Variants in VANGL1 observed in about 807,000 individuals in gnomAD.
VANGL1 encodes the protein vang-like protein 1.
In VANGL1, 18 loss-of-function variants were observed where a neutral mutation model predicts 48.4. The observed-to-expected ratio is 0.37, with a 90% CI of 0.26 to 0.55. The LOEUF (loss-of-function observed/expected upper bound fraction) is 0.55. Ranked by LOEUF, VANGL1 falls within the 20% of genes least tolerant of loss-of-function variation. VANGL1 has a pLI of 0.81. For missense variants in VANGL1, 667 were observed against 675.8 expected, an observed-to-expected ratio of 0.99 and a Z score of 0.14; for synonymous variants, 257 against 261.8, an observed-to-expected ratio of 0.98 and a Z score of 0.18.
At position 115,651,392 on chromosome 1, in the gene VANGL1, C is replaced by G; in HGVS notation, c.-22C>G. ...GGAGAAACAGTACCTGCTCCTTCCT[C>G]AAGCGCAAGCCCTCCATTGCTATGG... On this transcript the variant is annotated 5_prime_UTR_variant, in exon 2 of 8. Transcript: ENST00000355485. 1 of 1,612,368 alleles carries G rather than the reference C, an allele frequency of 6.2e-7. No individual in the cohort carries two copies. The highest frequency in any genetic ancestry group is 8.5e-7 in the Non-Finnish European group (1 of 1,178,754).
chr1:115,677,929 G>A (rs1178828365), intron 4 of VANGL1, among the ~76,000 whole-genome samples: 6 of 152,224 alleles, frequency 3.9e-5, no homozygotes, highest in Non-Finnish European at 4.4e-5. Flanking sequence ...GGGGTTTGTA[G>A]AAGGATTTGC....
rs1324608217 is a variant in VANGL1 at position 115,691,413 on chromosome 1, AG to A, written c.*35del. The A allele has an allele frequency of 1.9e-6, 3 of 1,586,552 alleles. No homozygotes were observed. The highest frequency in any genetic ancestry group is 2.6e-6 in the Non-Finnish European group (3 of 1,166,518). ...TATTTGTGGCTTTATTAAAAAAAAA[AG>A]AAAAATATATAGAGAGATATATATC... On this transcript the variant is annotated 3_prime_UTR_variant, in exon 8 of 8. Transcript: ENST00000355485.
Position 115,651,261 on chromosome 1 carries a change from T to A in VANGL1, c.-137-16T>A. 3 of 662,006 alleles carry A rather than the reference T, an allele frequency of 4.5e-6. No individual in the cohort carries two copies. In the South Asian group the frequency reaches 5.2e-5, roughly 11 times the overall value. 41.0% of individuals were successfully genotyped at this position (662,006 alleles called of 1,614,324 possible). A position where few individuals can be genotyped will look rare whatever the true frequency, so the allele number is the denominator to read the frequency against. On this transcript the variant is annotated splice_polypyrimidine_tract_variant and intron_variant, in intron 1 of 7. Transcript: ENST00000355485. ...CTCTGAAGATTAATGTCTTTTTTTTTCCCCCTCTTTCCCAGAATTTGTTCC... is the reference window on the plus strand; with the variant it reads ...CTCTGAAGATTAATGTCTTTTTTTTACCCCCTCTTTCCCAGAATTTGTTCC...
At chr1:115,651,560 T>G in intron 2 of VANGL1, 76 bp downstream of exon 2, 1 of 1,286,952 alleles carries the variant, frequency 7.8e-7, no homozygotes, top group African/African-American at 1.5e-5. Context: ...ACACTCACTT[T>G]TCAGTGACTC....
At chr1:115,664,291 C>T (rs753709831) in intron 4 of VANGL1, 23 bp downstream of exon 4, 3 of 1,611,448 alleles carry the variant, frequency 1.9e-6, no homozygotes, top group South Asian at 1.1e-5. Context: ...ATCCAGGAGG[C>T]AGAAAGGATG....
chr1:115,645,097 C>T (rs545455397), intron 1 of VANGL1, among the ~76,000 whole-genome samples: 1 of 152,192 alleles, frequency 6.6e-6, no homozygotes, highest in Non-Finnish European at 1.5e-5. Context: ...CTGCCCGCTC[C>T]TTTCCAGCCC....
chr1:115,667,003 T>A (rs888918313), intron 4 of VANGL1, among the ~76,000 whole-genome samples: 4 of 152,210 alleles, frequency 2.6e-5, no homozygotes, highest in Non-Finnish European at 5.9e-5. Flanking sequence ...CTAAGGCCTT[T>A]TGTAAAGTGT....
chr1:115,642,291 T>A (rs1199600263), intron 1 of VANGL1, among the ~76,000 whole-genome samples: 1 of 151,824 alleles, frequency 6.6e-6, no homozygotes, highest in Non-Finnish European at 1.5e-5. Flanking sequence ...TAGTGCTTCC[T>A]CTGACTCCAC....
intron 1 of VANGL1, among the ~76,000 whole-genome samples, 197 bp from the exon 2 acceptor site, chr1:115,651,080 A>G (rs1299167817): frequency 1.3e-5 from 2 of 152,052 alleles, no homozygotes; most frequent in Non-Finnish European, 2.9e-5. Context: ...CTCAGCGCCT[A>G]TCCTGTCTCC....
chr1:115,667,195 G>A (rs1652825418), intron 4 of VANGL1, among the ~76,000 whole-genome samples: 1 of 152,126 alleles, frequency 6.6e-6, no homozygotes, highest in South Asian at 2.1e-4. Flanking sequence ...TCTTTTTTAT[G>A]TTTTCAAAGA....
In VANGL1 at chr1:115,644,580, G is replaced by C. The variant is rs12064856; in HGVS notation, c.-138+2494G>C. 9.9e-3 allele frequency among the ~76,000 whole-genome samples: 1,508 copies of C among 152,318 alleles called. 27 individuals carry two copies. Among genetic ancestry groups the C allele is most frequent in the African/African-American group, 0.035 (1,435 of 41,566 alleles). On this transcript the variant is annotated intron_variant, in intron 1 of 7. Transcript: ENST00000355485. ...ATTGAAGTTTGATGCAAGGATACAT[G>C]TGTGTGCTGTTGTCTCTAGCAGTGT...
chr1:115,660,380 C>G (rs1242388041), intron 3 of VANGL1, among the ~76,000 whole-genome samples: 2 of 152,180 alleles, frequency 1.3e-5, no homozygotes. Context: ...AACAGCAGCT[C>G]CGCAGCTCCA....
intron 3 of VANGL1, among the ~76,000 whole-genome samples, chr1:115,662,912 G>A (rs1437225756): frequency 4.0e-5 from 6 of 151,712 alleles, no homozygotes; most frequent in South Asian, 4.2e-4. Flanking sequence ...TCAGCCTCCT[G>A]AGTAGCTGGG....
At chr1:115,646,364 G>T (rs1218167672) in intron 1 of VANGL1, among the ~76,000 whole-genome samples, 2 of 152,088 alleles carry the variant, frequency 1.3e-5, no homozygotes, top group Admixed American at 1.3e-4. Context: ...ACTCTTAAGG[G>T]GTGGGTGACC....
At chr1:115,657,764 T>G (rs77329587) in intron 2 of VANGL1, among the ~76,000 whole-genome samples, 8,149 of 152,256 alleles carry the variant, frequency 0.054, 252 homozygotes, top group East Asian at 0.11. Context: ...GAGGTTTAAC[T>G]GGCTCACGGT....
intron 1 of VANGL1, among the ~76,000 whole-genome samples, chr1:115,648,557 T>C (rs902183410): frequency 3.3e-5 from 5 of 152,198 alleles, no homozygotes; most frequent in African/African-American, 7.2e-5. Context: ...GGACAAGGAA[T>C]GAAGTCCTCT....
intron 3 of VANGL1, among the ~76,000 whole-genome samples, chr1:115,659,992 A>G (rs1299036876): frequency 2.6e-5 from 4 of 152,172 alleles, no homozygotes; most frequent in African/African-American, 4.8e-5. Flanking sequence ...CCTGCTTTAC[A>G]TGGTGTGGAA....
At chr1:115,654,370 T>G (rs1047970432) in intron 2 of VANGL1, among the ~76,000 whole-genome samples, 5 of 151,898 alleles carry the variant, frequency 3.3e-5, no homozygotes, top group Non-Finnish European at 1.5e-5. Context: ...TTGCGATGCC[T>G]GCAGTCTCCA....
chr1:115,668,862 T>A (rs540901979), intron 4 of VANGL1, among the ~76,000 whole-genome samples: 1 of 152,324 alleles, frequency 6.6e-6, no homozygotes, highest in Admixed American at 6.5e-5. Flanking sequence ...CCAGGCCTTT[T>A]AAGGTCTGGG....
Sources: allele counts gnomAD v4.1 joint callset (sites outside exome capture counted in the v4.1 genomes callset), GRCh38; gene constraint gnomAD v4.1.1; transcripts MANE v1.5; gene names NCBI Gene and HGNC (gene_info 2026-07-23, HGNC 2026-07-21).